Variants in TNRC6A observed in about 807,000 individuals in gnomAD.
TNRC6A encodes the protein trinucleotide repeat containing adaptor 6A.
In TNRC6A, 44 loss-of-function variants were observed where a neutral mutation model predicts 221.2. That is an observed-to-expected ratio of 0.20 (90% CI 0.16 to 0.26). The LOEUF is 0.26. TNRC6A is among the 10% of genes least tolerant of loss of function. The pLI is 1.00. For missense variants in TNRC6A, 2,199 were observed against 2,404.4 expected (o/e 0.91, Z 1.79); for synonymous variants, 847 against 838.5 (o/e 1.01, Z -0.18).
At chr16:24,796,018 C>T (rs781716453) in intron 9 of TNRC6A, 79 bp downstream of exon 9, 1 of 1,504,730 alleles carries the variant, frequency 6.6e-7, no homozygotes, top group South Asian at 1.1e-5. Context: ...ATTTATTTAG[C>T]CTCTGCTGTG....
chr16:24,794,796 C>G, intron 8 of TNRC6A, 77 bp downstream of exon 8: 1 of 1,431,320 alleles, frequency 7.0e-7, no homozygotes, highest in Non-Finnish European at 9.4e-7. Flanking sequence ...AACTTTTCGC[C>G]TGCCCATTTC....
Position 24,732,757 on chromosome 16 carries a change from C to T in TNRC6A, c.53+2457C>T, listed in dbSNP as rs577933464. Among the ~76,000 whole-genome samples, 23 of 152,188 alleles carry T rather than the reference C, an allele frequency of 1.5e-4. No homozygotes were observed. In the South Asian group the frequency reaches 3.7e-3, roughly 25 times the overall value. On this transcript the variant is annotated intron_variant, in intron 2 of 24. Coordinates refer to ENST00000395799, the MANE Select transcript of TNRC6A (RefSeq NM_014494.4). ...TGTGCATCACAGGATGTTCAGCATC[C>T]GCAGTAGCACTCCCCGTCCAGTTGT...
chr16:24,713,337 G>T (rs930090130), intron 2 of TNRC6A, among the ~76,000 whole-genome samples: 1 of 152,036 alleles, frequency 6.6e-6, no homozygotes, highest in African/African-American at 2.4e-5. Context: ...AGAATTGCCT[G>T]AACCTGGGAG....
At chr16:24,705,813 G>T (rs546739899) in intron 2 of TNRC6A, among the ~76,000 whole-genome samples, 75 of 152,002 alleles carry the variant, frequency 4.9e-4, no homozygotes, top group Non-Finnish European at 8.5e-4. Context: ...TCAGGAACAG[G>T]GTAAGAGAAA....
At chr16:24,801,533 CTT>C (rs34391039) in intron 11 of TNRC6A, among the ~76,000 whole-genome samples, 19 of 121,550 alleles carry the variant, frequency 1.6e-4, no homozygotes, top group African/African-American at 8.9e-5. Context: ...ATGCTACTCT[CTT>C]TTTTTTTTTT....
rs142825276 is a variant in TNRC6A, at chr16:24,769,059, G to T, written c.164-7874G>T. On this transcript the variant is annotated intron_variant, in intron 4 of 24. Transcript: ENST00000395799. ...ATTTAAAGAAGTATTAATTAAAATG[G>T]TATTACAAATTTAGAACTTGGTATA... Among the ~76,000 whole-genome samples, 424 of 152,160 alleles carry T rather than the reference G, an allele frequency of 2.8e-3. 1 individual carries two copies. Among genetic ancestry groups the T allele is most frequent in the African/African-American group, 9.8e-3 (408 of 41,512 alleles).
intron 2 of TNRC6A, among the ~76,000 whole-genome samples, chr16:24,723,607 G>C (rs1211083121): frequency 8.2e-6 from 1 of 121,258 alleles, no homozygotes; most frequent in Non-Finnish European, 1.8e-5. Context: ...AAAAAAAAAA[G>C]TCAGTGGCTA....
intron 1 of TNRC6A, among the ~76,000 whole-genome samples, chr16:24,610,774 C>T (rs1407536894): frequency 6.6e-6 from 1 of 151,976 alleles, no homozygotes; most frequent in African/African-American, 2.4e-5. Context: ...CCTCTCTCAC[C>T]TCTCACCTTC....
intron 16 of TNRC6A, 106 bp from the exon 17 acceptor site, chr16:24,806,468 C>T: frequency 6.9e-7 from 1 of 1,444,764 alleles, no homozygotes; most frequent in South Asian, 1.2e-5. Flanking sequence ...TGATTATTCA[C>T]CTTTCTGCTG....
chr16:24,803,586 A>C (rs2058370169), intron 11 of TNRC6A: 1 of 152,260 alleles, frequency 6.6e-6, no homozygotes, highest in Non-Finnish European at 1.5e-5. Flanking sequence ...AGGTGCCTTA[A>C]GTTATGTAAC....
chr16:24,729,684 T>TCGGCGGCGGCGGTGTCGGCGG lies in TNRC6A; in HGVS notation c.-146_-145insTGTCGGCGGCGGCGGCGGCGG, dbSNP rs1555495625. 1 of 603,100 alleles carries TCGGCGGCGGCGGTGTCGGCGG rather than the reference T, an allele frequency of 1.7e-6. No individual in the cohort carries two copies. Among genetic ancestry groups the TCGGCGGCGGCGGTGTCGGCGG allele is most frequent in the African/African-American group, 2.1e-5 (1 of 48,098 alleles). 37.4% of individuals were successfully genotyped at this position (603,100 alleles called of 1,614,324 possible). A position where few individuals can be genotyped will look rare whatever the true frequency, so the allele number is the denominator to read the frequency against. On this transcript the variant is annotated 5_prime_UTR_variant, in exon 1 of 25. Transcript: ENST00000395799. ...TCTGGGGCCTGCGGCGGCGGCGGTG[T>TCGGCGGCGGCGGTGTCGGCGG]CGGCGGCGGCGGCGGCGGCGGCGGC...
chr16:24,766,395 T>C (rs1291267811), intron 4 of TNRC6A, among the ~76,000 whole-genome samples: 1 of 152,204 alleles, frequency 6.6e-6, no homozygotes, highest in East Asian at 1.9e-4. Context: ...GGTTTTGCAA[T>C]ATCCTAGCAA....
In TNRC6A at chr16:24,790,740, C is replaced by G. The variant is rs749002584; in HGVS notation, c.2098C>G (p.Gln700Glu). The G allele has an allele frequency of 3.1e-6, 5 of 1,613,998 alleles. No individual in the cohort carries two copies. The highest frequency in any genetic ancestry group is 4.2e-6 in the Non-Finnish European group (5 of 1,180,026). The part of the protein sequence containing the change: ...SQSRDRRKID[Q>E]HTLLQSIVNR... ...GAGTAGAGACAGAAGAAAAATTGAT[C>G]AGCACACATTACTCCAAAGCATTGT... The change falls in exon 6 of 25, where the codon CAG (glutamine) becomes GAG (glutamate). Residue 700 changes from glutamine to glutamate, a missense_variant. By Grantham distance (29) the Gln-to-Glu change is conservative. This residue lies in a region of TNRC6A where 1,405 missense variants were observed against 1,400.2 expected (regional missense o/e 1.00). Coordinates refer to ENST00000395799, the MANE Select transcript of TNRC6A (RefSeq NM_014494.4).
intron 21 of TNRC6A, 37 bp downstream of exon 21, chr16:24,818,737 C>T: frequency 1.3e-6 from 2 of 1,524,500 alleles, no homozygotes; most frequent in Non-Finnish European, 1.8e-6. Context: ...GAGGGTTGGT[C>T]ACAGCCAGAG....
At chr16:24,675,704 A>C (rs11074646) in intron 2 of TNRC6A, among the ~76,000 whole-genome samples, 5,562 of 30,252 alleles carry the variant, frequency 0.18, 115 homozygotes, top group Non-Finnish European at 0.2. Flanking sequence ...CTCTCTCTCT[A>C]TATATATATA....
At chr16:24,780,359 C>G (rs945370347) in intron 5 of TNRC6A, among the ~76,000 whole-genome samples, 1 of 152,124 alleles carries the variant, frequency 6.6e-6, no homozygotes, top group African/African-American at 2.4e-5. Context: ...TTTAATCCTT[C>G]CACAGGTAAT....
chr16:24,749,198 C>G (rs772823413), intron 2 of TNRC6A, among the ~76,000 whole-genome samples: 1 of 152,108 alleles, frequency 6.6e-6, no homozygotes, highest in African/African-American at 2.4e-5. Flanking sequence ...TACAGGTAGC[C>G]GGAGTGAGTT....
At chr16:24,676,231 T>A (rs111336722) in intron 2 of TNRC6A, among the ~76,000 whole-genome samples, 11 of 152,164 alleles carry the variant, frequency 7.2e-5, no homozygotes, top group Non-Finnish European at 1.5e-4. Context: ...CTCATCAAGG[T>A]CACTGATGGC....
At chr16:24,689,052 C>T (rs1347900219) in intron 2 of TNRC6A, among the ~76,000 whole-genome samples, 1 of 152,064 alleles carries the variant, frequency 6.6e-6, no homozygotes, top group East Asian at 1.9e-4. Context: ...TGCAACAGAG[C>T]CAAGGCCCTA....
Sources: allele counts gnomAD v4.1 joint callset (sites outside exome capture counted in the v4.1 genomes callset), GRCh38; gene constraint gnomAD v4.1.1; regional missense constraint gnomAD v4.1.1; transcripts MANE v1.5; gene names NCBI Gene and HGNC (gene_info 2026-07-23, HGNC 2026-07-21).